Variants in CLSTN2 observed in about 807,000 individuals in gnomAD.
CLSTN2 encodes the protein calsyntenin-2.
In CLSTN2, 48 loss-of-function variants were observed where a neutral mutation model predicts 101.2. The ratio of observed to expected loss-of-function variants is 0.47; its 90% confidence interval spans 0.38 to 0.60. The LOEUF (loss-of-function observed/expected upper bound fraction) is 0.60, where lower values mean the gene tolerates loss of function less well. Among genes scored for constraint, CLSTN2 ranks in the 20% least tolerant of loss-of-function variants. The pLI, the probability that CLSTN2 is intolerant of heterozygous loss-of-function variation, is 0.00. For synonymous variants in CLSTN2, 481 were observed against 463.6 expected (o/e 1.04, Z -0.48); for missense variants, 1,160 against 1,238.2 (o/e 0.94, Z 0.95).
intron 1 of CLSTN2, among the ~76,000 whole-genome samples, chr3:140,089,104 C>A (rs554618528): frequency 6.6e-6 from 1 of 152,296 alleles, no homozygotes; most frequent in East Asian, 1.9e-4. Context: ...TGAAGACCTG[C>A]TAGCTTAGAG....
intron 2 of CLSTN2, among the ~76,000 whole-genome samples, chr3:140,317,879 T>A (rs1023819838): frequency 6.6e-6 from 1 of 152,128 alleles, no homozygotes; most frequent in African/African-American, 2.4e-5. Flanking sequence ...TACAATAAGA[T>A]CATGCATTAA....
chr3:140,006,461 TC>T (rs2006956674), intron 1 of CLSTN2, among the ~76,000 whole-genome samples: 1 of 152,212 alleles, frequency 6.6e-6, no homozygotes, highest in Non-Finnish European at 1.5e-5. Flanking sequence ...GCAGTTGGTC[TC>T]CACAGCCTCC....
At chr3:140,291,018 T>C (rs1426134163) in intron 2 of CLSTN2, among the ~76,000 whole-genome samples, 1 of 152,186 alleles carries the variant, frequency 6.6e-6, no homozygotes, top group East Asian at 1.9e-4. Context: ...TGTCTTTTCT[T>C]CACATCACCT....
chr3:140,117,921 G>T (rs1018026718), intron 1 of CLSTN2, among the ~76,000 whole-genome samples: 14 of 152,188 alleles, frequency 9.2e-5, no homozygotes, highest in Non-Finnish European at 2.1e-4. Context: ...GCTGCTAAAT[G>T]CCTCCTTCTT....
chr3:140,312,706 C>A (rs1405323759), intron 2 of CLSTN2, among the ~76,000 whole-genome samples: 1 of 152,142 alleles, frequency 6.6e-6, no homozygotes, highest in Non-Finnish European at 1.5e-5. Context: ...CTCTGTAAAA[C>A]CACAATGAAA....
chr3:140,081,046 T>A (rs1303348826), intron 1 of CLSTN2, among the ~76,000 whole-genome samples: 1 of 152,198 alleles, frequency 6.6e-6, no homozygotes, highest in African/African-American at 2.4e-5. Context: ...GTGACACCGA[T>A]GCTATGTCTT....
chr3:140,473,644 G>T (rs1258722625), intron 8 of CLSTN2, among the ~76,000 whole-genome samples: 2 of 152,092 alleles, frequency 1.3e-5, no homozygotes, highest in Admixed American at 1.3e-4. Context: ...CTTCAGAAGG[G>T]ATGTGGCCCT....
Position 140,184,520 on chromosome 3 carries a change from C to G in CLSTN2, c.232+8447C>G, listed in dbSNP as rs988233188. ...CCACCCCCATGAGCCAGTCAGCTTC[C>G]ATTAGGTCCCTCCCTTGACCCTTGG... On this transcript the variant is annotated intron_variant, in intron 2 of 16. Coordinates refer to ENST00000458420, the MANE Select transcript of CLSTN2 (RefSeq NM_022131.3). Among the ~76,000 whole-genome samples, 10 of 152,218 alleles carry G rather than the reference C, an allele frequency of 6.6e-5. No individual in the cohort carries two copies. The East Asian group carries it at 1.7e-3, about 26-fold the overall frequency.
At chr3:140,363,177 A>G (rs1254905700) in intron 2 of CLSTN2, among the ~76,000 whole-genome samples, 4 of 152,250 alleles carry the variant, frequency 2.6e-5, no homozygotes, top group African/African-American at 7.2e-5. Flanking sequence ...AAACAGTACA[A>G]CATAAATGAA....
intron 8 of CLSTN2, among the ~76,000 whole-genome samples, chr3:140,523,812 C>T (rs990693687): frequency 1.3e-5 from 2 of 152,202 alleles, no homozygotes; most frequent in Non-Finnish European, 1.5e-5. Flanking sequence ...GTTCCTCAAA[C>T]CCCAGGGCAG....
chr3:140,211,531 CTGTGTG>C (rs60408720), intron 2 of CLSTN2, among the ~76,000 whole-genome samples: 5 of 142,394 alleles, frequency 3.5e-5, no homozygotes, highest in African/African-American at 5.2e-5. Context: ...GGATCAAAAT[CTGTGTG>C]TGTGTGTGTG....
At position 140,135,117 on chromosome 3, in the gene CLSTN2, CATATATATATATATATATATATATAT is replaced by C. The variant is rs66931848; in HGVS notation, c.110-40814_110-40789del. Among the ~76,000 whole-genome samples, 60 of 58,122 alleles carry C rather than the reference CATATATATATATATATATATATATAT, an allele frequency of 1.0e-3. No individual in the cohort carries two copies. In the South Asian group the frequency reaches 0.019, roughly 18 times the overall value. 38.1% of individuals were successfully genotyped at this position (58,122 alleles called of 152,430 possible). On this transcript the variant is annotated intron_variant, in intron 1 of 16. Coordinates refer to ENST00000458420, the MANE Select transcript of CLSTN2 (RefSeq NM_022131.3). ...ACACACACACACACACACACACACA[CATATATATATATATATATATATATAT>C]ATATATATATATATATATAAAATAT... is the stretch of plus-strand genomic sequence containing the variant.
Position 140,517,672 on chromosome 3 carries a change from G to A in CLSTN2, c.1345-14652G>A, listed in dbSNP as rs575908044. Among the ~76,000 whole-genome samples the A allele has an allele frequency of 1.1e-4, 17 of 152,268 alleles. No individual in the cohort carries two copies. In the Middle Eastern group the frequency reaches 0.01, roughly 91 times the overall value. Reference sequence around the variant, plus strand: ...TACAAAGAGTCCTGTGATGTGAACCGTCTTCAGTTCTCTCGGCCGTGGACA... The same window carrying A: ...TACAAAGAGTCCTGTGATGTGAACCATCTTCAGTTCTCTCGGCCGTGGACA... On this transcript the variant is annotated intron_variant, in intron 8 of 16. Transcript: ENST00000458420.
intron 1 of CLSTN2, among the ~76,000 whole-genome samples, chr3:140,172,708 A>G (rs1211300590): frequency 1.4e-4 from 22 of 152,224 alleles, no homozygotes; most frequent in Admixed American, 1.4e-3. Flanking sequence ...CAATAATGGC[A>G]GAAGGCAAGG....
At chr3:140,011,542 G>T (rs547515901) in intron 1 of CLSTN2, among the ~76,000 whole-genome samples, 40 of 152,238 alleles carry the variant, frequency 2.6e-4, no homozygotes, top group African/African-American at 9.4e-4. Context: ...TCCCAAATGT[G>T]CATTTTAAAA....
chr3:140,115,743 T>C (rs996040684), intron 1 of CLSTN2, among the ~76,000 whole-genome samples: 9 of 152,214 alleles, frequency 5.9e-5, no homozygotes, highest in African/African-American at 2.2e-4. Flanking sequence ...GTTGAAACTT[T>C]AAGGAAGTCT....
rs116783113 is a variant in CLSTN2, at chr3:139,972,288, C to A, written c.109+36805C>A. Among the ~76,000 whole-genome samples, 1,512 of 152,052 alleles carry A rather than the reference C, an allele frequency of 9.9e-3. 40 individuals carry two copies. The highest frequency in any genetic ancestry group is 0.034 in the African/African-American group (1,412 of 41,492). ...CAAAAAAAAAAAAGTTTGATAGGAC[C>A]CTGGGGGGTGTGGGTTTTACAATTT... On this transcript the variant is annotated intron_variant, in intron 1 of 16. Coordinates refer to ENST00000458420, the MANE Select transcript of CLSTN2 (RefSeq NM_022131.3).
intron 2 of CLSTN2, among the ~76,000 whole-genome samples, chr3:140,350,261 C>T (rs561699975): frequency 3.9e-5 from 6 of 152,312 alleles, no homozygotes; most frequent in South Asian, 4.1e-4. Flanking sequence ...CAGAAATCCA[C>T]GCTAATCTCA....
intron 8 of CLSTN2, among the ~76,000 whole-genome samples, chr3:140,516,637 A>G (rs56162844): frequency 0.1 from 15,867 of 151,524 alleles, 1,040 homozygotes; most frequent in Non-Finnish European, 0.15. Flanking sequence ...TTCTTGGCTC[A>G]TAATTATTTT....
Sources: gnomAD v4.1 joint callset for allele counts (sites outside exome capture counted in the v4.1 genomes callset) on GRCh38, gnomAD v4.1.1 for gene constraint, MANE v1.5 for transcripts, NCBI Gene and HGNC (gene_info 2026-07-23, HGNC 2026-07-21) for gene names.